The following TMEM245 variants were observed in gnomAD, a reference collection of about 807,000 sequenced individuals.
TMEM245 encodes transmembrane protein 245.
In TMEM245, 69 loss-of-function variants were observed where a neutral mutation model predicts 101.2. That is an observed-to-expected ratio of 0.68 (90% CI 0.56 to 0.83). The LOEUF is 0.83. Ranked by LOEUF, TMEM245 falls within the 40% of genes least tolerant of loss-of-function variation. The probability of loss-of-function intolerance (pLI) is 0.00; values close to 1 mark genes in which losing one functional copy is unlikely to be tolerated. For synonymous variants in TMEM245, 537 were observed against 449.8 expected (o/e 1.19, Z -2.45); for missense variants, 1,075 against 1,092.8 (o/e 0.98, Z 0.23).
chr9:109,036,412 C>A, intron 15 of TMEM245, 32 bp from the exon 16 acceptor site: 1 of 1,541,740 alleles, frequency 6.5e-7, no homozygotes, highest in Admixed American at 2.2e-5. Flanking sequence ...AACAACTTAA[C>A]ATCATCAGCA....
At chr9:109,098,554 CA>C (rs886220898) in intron 3 of TMEM245, among the ~76,000 whole-genome samples, 155 of 136,386 alleles carry the variant, frequency 1.1e-3, no homozygotes, top group Non-Finnish European at 1.7e-3. Flanking sequence ...AATCAGAGTC[CA>C]AAAAAAAAAA....
rs756035703 is a variant in TMEM245 at position 109,087,126 on chromosome 9, A to G, written c.1320+47T>C. 1.3e-5 allele frequency: 20 copies of G among 1,510,382 alleles called. No individual in the cohort carries two copies. The South Asian group carries it at 2.1e-4, about 16-fold the overall frequency. The allele number at this position is 1,510,382 out of a possible 1,614,324, so 93.6% of individuals were successfully genotyped here. On this transcript the variant is annotated intron_variant, in intron 6 of 17. Coordinates refer to ENST00000374586, the MANE Select transcript of TMEM245 (RefSeq NM_032012.4). ...TAGAATGGAAAAGTTCAAACCACGA[A>G]ATATATTAACTCCATTAAGACAGCC...
chr9:109,119,250 T>C (rs1830821765), intron 1 of TMEM245, 85 bp downstream of exon 1: 2 of 1,347,372 alleles, frequency 1.5e-6, no homozygotes, highest in Non-Finnish European at 2.0e-6. Context: ...TCGTCGCCCC[T>C]GCACCGGGAG....
At chr9:109,064,178 C>T (rs1829096311) in intron 10 of TMEM245, among the ~76,000 whole-genome samples, 1 of 152,182 alleles carries the variant, frequency 6.6e-6, no homozygotes, top group South Asian at 2.1e-4. Context: ...TGCATTAATA[C>T]CTTTTTCTCT....
intron 7 of TMEM245, among the ~76,000 whole-genome samples, chr9:109,083,093 G>T (rs1346861411): frequency 6.6e-6 from 1 of 151,256 alleles, no homozygotes. Flanking sequence ...AGAATAAAAG[G>T]AAACAGAGAA....
intron 8 of TMEM245, among the ~76,000 whole-genome samples, chr9:109,077,629 GTTATC>G (rs1299633701): frequency 5.3e-5 from 8 of 152,230 alleles, no homozygotes; most frequent in East Asian, 3.9e-4. Context: ...ATTTGTAACT[GTTATC>G]TTATGTCAAT....
chr9:109,030,064 T>G lies in TMEM245; in HGVS notation c.2594+3243A>C, dbSNP rs567105996. Among the ~76,000 whole-genome samples the G allele has an allele frequency of 6.7e-4, 102 of 152,342 alleles. 3 individuals carry two copies. The South Asian group carries it at 0.021, about 31-fold the overall frequency. ...ATCTAACCAGTATCACCGTTTGTTT[T>G]GGGGGAATGGGTAGTGAAAGCTAAC... On this transcript the variant is annotated intron_variant, in intron 17 of 17. Coordinates refer to ENST00000374586, the MANE Select transcript of TMEM245 (RefSeq NM_032012.4).
chr9:109,027,860 T>C (rs1827833738), intron 17 of TMEM245, among the ~76,000 whole-genome samples: 1 of 152,028 alleles, frequency 6.6e-6, no homozygotes, highest in Non-Finnish European at 1.5e-5. Flanking sequence ...TTTTGTATTC[T>C]TAGTAGAGAC....
chr9:109,040,139 T>C (rs1046770680), intron 14 of TMEM245, among the ~76,000 whole-genome samples: 5 of 152,162 alleles, frequency 3.3e-5, no homozygotes, highest in Admixed American at 6.5e-5. Context: ...GCACTGTATA[T>C]TGTTTGCAGT....
At chr9:109,030,837 T>A (rs1240112655) in intron 17 of TMEM245, among the ~76,000 whole-genome samples, 1 of 152,226 alleles carries the variant, frequency 6.6e-6, no homozygotes, top group Non-Finnish European at 1.5e-5. Context: ...TTACTGCATT[T>A]GTTCTGAGTT....
At chr9:109,115,351 TAAG>T (rs1268123300) in intron 1 of TMEM245, among the ~76,000 whole-genome samples, 2 of 149,878 alleles carry the variant, frequency 1.3e-5, no homozygotes, top group Non-Finnish European at 3.0e-5. Flanking sequence ...TCTCAAAATA[TAAG>T]AAGAAAAAAG....
At chr9:109,117,366 C>T (rs1332082431) in intron 1 of TMEM245, among the ~76,000 whole-genome samples, 3 of 151,860 alleles carry the variant, frequency 2.0e-5, no homozygotes, top group African/African-American at 7.3e-5. Context: ...GATCCACCCG[C>T]CTCGACCTCC....
At chr9:109,108,420 TAAAAAAA>T (rs5899838) in intron 2 of TMEM245, 26 bp downstream of exon 2, 6 of 938,454 alleles carry the variant, frequency 6.4e-6, no homozygotes, top group Non-Finnish European at 7.3e-6. Context: ...AGGCTAGACT[TAAAAAAA>T]AAAAAAAAAA....
In TMEM245 at chr9:109,080,116, G is replaced by T. The variant is rs376280917; in HGVS notation, c.1449+723C>A. 5.9e-5 allele frequency among the ~76,000 whole-genome samples: 9 copies of T among 152,018 alleles called. 1 individual carries two copies. Among genetic ancestry groups the T allele is most frequent in the African/African-American group, 2.2e-4 (9 of 41,504 alleles). Reference sequence around the variant, plus strand: ...TATAGTTACCAACATGTCTCTATGGGAACTAAAGGAATAAAAAAAATTTTG... The same window carrying T: ...TATAGTTACCAACATGTCTCTATGGTAACTAAAGGAATAAAAAAAATTTTG... On this transcript the variant is annotated intron_variant, in intron 8 of 17. Transcript: ENST00000374586.
rs74784656 is a variant in TMEM245, at chr9:109,029,432, T to A, written c.2594+3875A>T. Among the ~76,000 whole-genome samples, 18 of 152,226 alleles carry A rather than the reference T, an allele frequency of 1.2e-4. No homozygotes were observed. In the East Asian group the frequency reaches 3.5e-3, roughly 29 times the overall value. ...AATTAACAAGAATAAATAATAAAAA[T>A]TGCTTCAGACTTTTAACAACAATCC... On this transcript the variant is annotated intron_variant, in intron 17 of 17. Transcript: ENST00000374586.
At chr9:109,064,339 T>C (rs530395463) in intron 10 of TMEM245, 138 bp downstream of exon 10, 61 of 707,414 alleles carry the variant, frequency 8.6e-5, no homozygotes, top group Non-Finnish European at 1.0e-4. Context: ...AAAGATTTCA[T>C]TGTATGTTGC....
intron 11 of TMEM245, 125 bp downstream of exon 11, chr9:109,060,222 GAGGCTTA>G (rs1200201979): frequency 1.5e-5 from 10 of 647,418 alleles, no homozygotes; most frequent in Non-Finnish European, 2.6e-5. Context: ...TTAGTGACCT[GAGGCTTA>G]AGGTTTTGCT....
At chr9:109,093,165 G>A (rs538736418) in intron 4 of TMEM245, among the ~76,000 whole-genome samples, 1 of 151,736 alleles carries the variant, frequency 6.6e-6, no homozygotes, top group African/African-American at 2.4e-5. Flanking sequence ...AAATGGAGAC[G>A]GAGAAAAGGA....
At chr9:109,041,839 TTTG>T (rs1234465424) in intron 14 of TMEM245, among the ~76,000 whole-genome samples, 1 of 152,086 alleles carries the variant, frequency 6.6e-6, no homozygotes. Context: ...TTCATTTTTA[TTTG>T]TTGTCTGGCT....
Sources: gnomAD v4.1 joint callset for allele counts (sites outside exome capture counted in the v4.1 genomes callset) on GRCh38, gnomAD v4.1.1 for gene constraint, MANE v1.5 for transcripts, NCBI Gene and HGNC (gene_info 2026-07-23, HGNC 2026-07-21) for gene names.